Variants in HHIPL1 observed in about 807,000 individuals in gnomAD.
The protein encoded by HHIPL1 is HHIP-like protein 1.
Under a neutral mutation model 61.8 loss-of-function variants are expected in HHIPL1, and 43 were observed. The observed-to-expected ratio is 0.70, with a 90% CI of 0.55 to 0.90. HHIPL1 has a LOEUF of 0.90. Ranked by LOEUF, HHIPL1 falls within the 40% of genes least tolerant of loss-of-function variation. HHIPL1 has a pLI of 0.00. For missense variants in HHIPL1, 1,056 were observed against 1,157.7 expected (o/e 0.91, Z 1.28); for synonymous variants, 482 against 515.8 (o/e 0.93, Z 0.89).
At chr14:99,663,397 T>C (rs1235138831) in intron 6 of HHIPL1, among the ~76,000 whole-genome samples, 1 of 152,184 alleles carries the variant, frequency 6.6e-6, no homozygotes, top group Non-Finnish European at 1.5e-5. Context: ...ATGCCTCCCC[T>C]TTTTGGACCA....
In HHIPL1 at chr14:99,677,721, A is replaced by G. The variant is rs994066883; in HGVS notation, c.*2095A>G. 1 of 152,258 alleles carries G rather than the reference A, an allele frequency of 6.6e-6. No homozygotes were observed. The highest frequency in any genetic ancestry group is 1.5e-5 in the Non-Finnish European group (1 of 68,084). The allele number at this position is 152,258 out of a possible 1,614,324, so 9.4% of individuals were successfully genotyped here. On this transcript the variant is annotated 3_prime_UTR_variant, in exon 9 of 9. Transcript: ENST00000330710. This position sits in a 1 kb window ranked among gnomAD's most constrained non-coding sequence, Gnocchi z 4.3. The stretch of plus-strand genomic sequence containing the variant: ...GCCAGGGCCCTGCTTGCCTGGCCCC[A>G]GAAGCTGTTTTGCTCAGAGCTGGAT...
Position 99,653,958 on chromosome 14 carries a change from G to T in HHIPL1, c.902+1088G>T, listed in dbSNP as rs565146507. 7.9e-5 allele frequency among the ~76,000 whole-genome samples: 12 copies of T among 152,338 alleles called. 1 individual carries two copies. In the South Asian group the frequency reaches 2.5e-3, roughly 32 times the overall value. On this transcript the variant is annotated intron_variant, in intron 2 of 8. Transcript: ENST00000330710. ...AATCTCAGCACTTTGAGAGGCTGAG[G>T]CAGGTGGATCACTTGAGGTCAGGAG...
chr14:99,608,113 G>A, the HHIPL1 span, among the ~76,000 whole-genome samples: 2 of 151,982 alleles, frequency 1.3e-5, no homozygotes, highest in African/African-American at 4.8e-5. Flanking sequence ...AGGCCCAGAG[G>A]TGAGCAGGCG....
the HHIPL1 span, among the ~76,000 whole-genome samples, chr14:99,634,350 C>CG: frequency 8.5e-5 from 13 of 152,138 alleles, no homozygotes; most frequent in African/African-American, 3.1e-4. Context: ...GGAAGTCCCC[C>CG]GTGACGGCTC....
Position 99,646,792 on chromosome 14 carries a change from A to C in HHIPL1, c.255+1330A>C, listed in dbSNP as rs11267452. 5.5e-3 allele frequency among the ~76,000 whole-genome samples: 721 copies of C among 130,878 alleles called. 9 individuals are homozygous for C. Among genetic ancestry groups the C allele is most frequent in the African/African-American group, 0.021 (693 of 33,064 alleles). The allele number at this position is 130,878 out of a possible 152,430, so 85.9% of individuals were successfully genotyped here. On this transcript the variant is annotated intron_variant, in intron 1 of 8. Transcript: ENST00000330710. ...CCGTCTCAAAAATATAATATAATAT[A>C]ATATGATATGATATGATATGATATG...
chr14:99,672,067 A>T (rs116984801), intron 7 of HHIPL1, among the ~76,000 whole-genome samples: 1,935 of 152,346 alleles, frequency 0.013, 16 homozygotes, highest in Non-Finnish European at 0.021. Flanking sequence ...GTAAGCCTCC[A>T]GCCCTGGTGC....
chr14:99,637,917 C>T, the HHIPL1 span, among the ~76,000 whole-genome samples: 3 of 152,184 alleles, frequency 2.0e-5, no homozygotes, highest in Admixed American at 1.3e-4. Context: ...AGCCAGAACT[C>T]GAACCCACTG....
chr14:99,606,266 C>A, the HHIPL1 span, among the ~76,000 whole-genome samples: 1 of 152,180 alleles, frequency 6.6e-6, no homozygotes, highest in African/African-American at 2.4e-5. Flanking sequence ...CTCTGAGGCA[C>A]TGCTCTGCTG....
intron 6 of HHIPL1, among the ~76,000 whole-genome samples, chr14:99,666,668 C>T (rs2056251003): frequency 6.6e-6 from 1 of 152,190 alleles, no homozygotes; most frequent in Non-Finnish European, 1.5e-5. Context: ...GAAAGAGGCC[C>T]AGAGGGGAGT....
rs761998734 is a variant in HHIPL1 at position 99,668,280 on chromosome 14, C to T, written c.1707C>T (p.Val569=). Residue 569 remains valine (V), a synonymous_variant, in exon 7 of 9, where the codon GTC becomes GTT. Transcript: ENST00000330710. The surrounding 1 kb of genome is among the most constrained non-coding windows in gnomAD (Gnocchi z 4.7). ...EPSATAPRGV[V]YKIIDASRRA... The stretch of plus-strand genomic sequence containing the variant: ...GTGCCACAGCTCCACGCGGAGTTGT[C>T]TACAAAATAATTGACGCATCCAGGT... The T allele has an allele frequency of 3.1e-6, 5 of 1,611,062 alleles. No homozygotes were observed. In the East Asian group the frequency reaches 8.9e-5, roughly 29 times the overall value.
At chr14:99,605,547 G>A in the HHIPL1 span, among the ~76,000 whole-genome samples, 2 of 152,232 alleles carry the variant, frequency 1.3e-5, no homozygotes, top group African/African-American at 2.4e-5. Flanking sequence ...TACTCGCCGC[G>A]GGGCCTGCTC....
chr14:99,672,434 G>A (rs901083245), intron 8 of HHIPL1, 35 bp downstream of exon 8: 72 of 1,522,584 alleles, frequency 4.7e-5, no homozygotes, highest in Non-Finnish European at 5.9e-5. Context: ...GAGGGTTGGG[G>A]GAGAGATCCC....
chr14:99,631,106 T>TTCTTTCTTTCTTTCTTTC, the HHIPL1 span, among the ~76,000 whole-genome samples: 29 of 121,536 alleles, frequency 2.4e-4, no homozygotes, highest in African/African-American at 8.4e-4. Flanking sequence ...CTTTCTTTCT[T>TTCTTTCTTTCTTTCTTTC]TCTCTCTCTT....
the HHIPL1 span, among the ~76,000 whole-genome samples, chr14:99,605,494 T>C: frequency 3.3e-5 from 5 of 152,154 alleles, no homozygotes; most frequent in African/African-American, 1.2e-4. Flanking sequence ...TGATGCCCCA[T>C]TTACAGTTGC....
chr14:99,628,223 G>A, the HHIPL1 span, among the ~76,000 whole-genome samples: 8 of 152,336 alleles, frequency 5.3e-5, no homozygotes, highest in African/African-American at 1.9e-4. Context: ...GGGACTGGAT[G>A]GGGCAGGTGT....
chr14:99,629,186 C>T, the HHIPL1 span, among the ~76,000 whole-genome samples: 2 of 152,218 alleles, frequency 1.3e-5, no homozygotes, highest in East Asian at 1.9e-4. Context: ...GTGAGGTGGG[C>T]CTTTCCCCAC....
In HHIPL1 at chr14:99,668,597, C is replaced by T. The variant is rs1595168616; in HGVS notation, c.1730+294C>T. On this transcript the variant is annotated intron_variant, in intron 7 of 8. Transcript: ENST00000330710. The surrounding 1 kb of genome is among the most constrained non-coding windows in gnomAD (Gnocchi z 4.7). ...CTTCACTTGGCTTTCTTGCCTGGCC[C>T]GCCCTCCCTGCGTCTTCCTCCTGTC... Among the ~76,000 whole-genome samples the T allele has an allele frequency of 6.6e-6, 1 of 152,122 alleles. No homozygotes were observed. The highest frequency in any genetic ancestry group is 2.1e-4 in the South Asian group (1 of 4,824).
rs1474394899 is a variant in HHIPL1 at position 99,659,734 on chromosome 14, C to G, written c.1353C>G (p.Ser451Arg). 6.9e-7 allele frequency: 1 copy of G among 1,448,746 alleles called. No individual in the cohort carries two copies. The highest frequency in any genetic ancestry group is 2.7e-5 in the East Asian group (1 of 37,478). The allele number at this position is 1,448,746 out of a possible 1,614,324, so 89.7% of individuals were successfully genotyped here. A position where few individuals can be genotyped will look rare whatever the true frequency, so the allele number is the denominator to read the frequency against. The change falls in exon 4 of 9, where the codon AGC becomes AGG. Residue 451 changes from serine to arginine, a missense_variant. Physicochemically the swap from Ser to Arg is moderately radical, Grantham distance 110. Coordinates refer to ENST00000330710, the MANE Select transcript of HHIPL1 (RefSeq NM_001127258.3). ...AAGGGTTCGAGTGCTACGACCGCAGCCTGTGCGCCAACACCTCTCTCAGTG... is the reference window on the plus strand; with the variant it reads ...AAGGGTTCGAGTGCTACGACCGCAGGCTGTGCGCCAACACCTCTCTCAGTG... ...AREGFECYDRSLCANTSLNDL... is the reference protein window; with the variant it reads ...AREGFECYDRRLCANTSLNDL...
chr14:99,607,971 T>C, the HHIPL1 span, among the ~76,000 whole-genome samples: 94 of 152,240 alleles, frequency 6.2e-4, 1 homozygote, highest in Middle Eastern at 0.02. Flanking sequence ...CAAATGAGAA[T>C]GGGCAGAACA....
Sources: gnomAD v4.1 joint callset for allele counts (sites outside exome capture counted in the v4.1 genomes callset) on GRCh38, gnomAD v4.1.1 for gene constraint, Gnocchi (gnomAD v3.1) non-coding constraint, MANE v1.5 for transcripts, NCBI Gene and HGNC (gene_info 2026-07-23, HGNC 2026-07-21) for gene names.